The following BSN variants were observed in gnomAD, a reference collection of about 807,000 sequenced individuals.
BSN encodes the protein bassoon presynaptic cytomatrix protein, also known as protein bassoon.
Under a neutral mutation model 264.8 loss-of-function variants are expected in BSN, and 57 were observed. That is an observed-to-expected ratio of 0.22 (90% CI 0.17 to 0.27). The LOEUF (loss-of-function observed/expected upper bound fraction) is 0.27. Among genes scored for constraint, BSN ranks in the 10% least tolerant of loss-of-function variants. The probability of loss-of-function intolerance (pLI) is 1.00; values close to 1 mark genes in which losing one functional copy is unlikely to be tolerated. For missense variants in BSN, 4,615 were observed against 5,232.5 expected (o/e 0.88, Z 3.64); for synonymous variants, 2,059 against 2,137.3 (o/e 0.96, Z 1.01).
chr3:49,588,148 C>T (rs1001252592), intron 1 of BSN, among the ~76,000 whole-genome samples: 2 of 152,056 alleles, frequency 1.3e-5, no homozygotes, highest in Admixed American at 6.6e-5. Context: ...TCTCAAACTC[C>T]TGACCTTAGG....
intron 1 of BSN, among the ~76,000 whole-genome samples, chr3:49,572,361 G>C (rs6797299): frequency 6.6e-6 from 1 of 151,964 alleles, no homozygotes; most frequent in Non-Finnish European, 1.5e-5. Flanking sequence ...TAGGGAGTGG[G>C]TGATGGATCA....
At chr3:49,608,958 C>T (rs1177888720) in intron 1 of BSN, among the ~76,000 whole-genome samples, 1 of 152,032 alleles carries the variant, frequency 6.6e-6, no homozygotes, top group Non-Finnish European at 1.5e-5. Context: ...CCCACAAGCA[C>T]ACAAGGAGCC....
At chr3:49,596,919 T>C (rs1382716846) in intron 1 of BSN, among the ~76,000 whole-genome samples, 1 of 152,220 alleles carries the variant, frequency 6.6e-6, no homozygotes, top group East Asian at 1.9e-4. Flanking sequence ...TTATATTGTT[T>C]TCCTTATATC....
At chr3:49,595,715 G>A (rs2052017930) in intron 1 of BSN, among the ~76,000 whole-genome samples, 2 of 152,088 alleles carry the variant, frequency 1.3e-5, no homozygotes, top group South Asian at 4.1e-4. Context: ...ATTGTAAGTG[G>A]TGTTACATTT....
chr3:49,663,297 C>T lies in BSN; in HGVS notation c.11139C>T (p.Ser3713=), dbSNP rs748133306. 13 of 1,614,096 alleles carry T rather than the reference C, an allele frequency of 8.1e-6. No individual in the cohort carries two copies. The highest frequency in any genetic ancestry group is 1.7e-5 in the Admixed American group (1 of 60,030). The part of the protein sequence containing the change: ...AEYSQPSRAS[S]AYHHASDSKK... ...ACTCACAGCCATCCCGTGCTTCATC[C>T]GCATACCATCATGCCTCTGACAGCA... is the stretch of plus-strand genomic sequence containing the variant. The change falls in exon 7 of 12, where the codon TCC becomes TCT. Residue 3713 remains serine, a synonymous_variant. Transcript: ENST00000296452.
At chr3:49,640,276 G>A (rs888023129) in intron 2 of BSN, among the ~76,000 whole-genome samples, 3 of 152,198 alleles carry the variant, frequency 2.0e-5, no homozygotes, top group African/African-American at 7.2e-5. Flanking sequence ...CAAATTGCCA[G>A]GATGAATGAA....
At chr3:49,561,025 C>T (rs2107998448) in intron 1 of BSN, among the ~76,000 whole-genome samples, 1 of 152,342 alleles carries the variant, frequency 6.6e-6, no homozygotes, top group East Asian at 1.9e-4. Flanking sequence ...TTCGTCTTTA[C>T]GGGCACATAG....
chr3:49,635,727 C>A (rs945286638), intron 2 of BSN, among the ~76,000 whole-genome samples: 4 of 152,156 alleles, frequency 2.6e-5, no homozygotes, highest in Non-Finnish European at 5.9e-5. Flanking sequence ...GTAATACCAG[C>A]ACTTTGAGAG....
rs534039440 is a variant in BSN at position 49,567,031 on chromosome 3, C to CA, written c.224+12206dup. Among the ~76,000 whole-genome samples, 511 of 152,008 alleles carry CA rather than the reference C, an allele frequency of 3.4e-3. 2 individuals are homozygous for CA. The highest frequency in any genetic ancestry group is 0.012 in the African/African-American group (497 of 41,474). Reference sequence around the variant, plus strand: ...TAAACATTGCAGTCAATAGCAGGAACACAAGAAGGAAAAAGACACAGTCCT... The same window carrying CA: ...TAAACATTGCAGTCAATAGCAGGAACAACAAGAAGGAAAAAGACACAGTCCT... On this transcript the variant is annotated intron_variant, in intron 1 of 11. Transcript: ENST00000296452.
Position 49,661,820 on chromosome 3 carries a change from C to A in BSN, c.9975C>A (p.Tyr3325Ter). The part of the protein sequence containing the change: ...ASTHYYGDSD[Y>*]RHGARVEKYG... ...CCCACTACTATGGTGACAGTGACTA[C>A]AGGCATGGGGCTCGAGTAGAGAAGT... The change falls in exon 6 of 12, where the codon TAC becomes TAA. Residue 3325 changes from tyrosine to a stop codon, truncating the protein, a stop_gained. Transcript: ENST00000296452. LOFTEE classifies it high-confidence loss of function. The A allele has an allele frequency of 6.2e-7, 1 of 1,613,626 alleles. No individual in the cohort carries two copies. The highest frequency in any genetic ancestry group is 8.5e-7 in the Non-Finnish European group (1 of 1,180,048).
At chr3:49,613,515 A>G (rs1002030703) in intron 1 of BSN, among the ~76,000 whole-genome samples, 5 of 150,474 alleles carry the variant, frequency 3.3e-5, no homozygotes, top group Admixed American at 2.0e-4. Context: ...TTTTTTTGAG[A>G]CAGAGTTTTT....
intron 1 of BSN, among the ~76,000 whole-genome samples, chr3:49,581,277 G>A (rs1034554294): frequency 1.1e-4 from 17 of 152,134 alleles, no homozygotes; most frequent in African/African-American, 3.9e-4. Flanking sequence ...GAGCCACTGC[G>A]CCTGGCCTAT....
At chr3:49,619,490 A>T (rs923206086) in intron 1 of BSN, among the ~76,000 whole-genome samples, 4 of 152,224 alleles carry the variant, frequency 2.6e-5, no homozygotes, top group African/African-American at 9.7e-5. Context: ...TTGGAATCCC[A>T]GCTCCACCAT....
chr3:49,581,340 C>T (rs555402215), intron 1 of BSN, among the ~76,000 whole-genome samples: 3 of 152,282 alleles, frequency 2.0e-5, no homozygotes, highest in East Asian at 3.9e-4. Flanking sequence ...CCAGTAGTCC[C>T]CCCTTATCTG....
At chr3:49,644,466 A>G (rs536047564) in intron 3 of BSN, among the ~76,000 whole-genome samples, 5 of 152,302 alleles carry the variant, frequency 3.3e-5, no homozygotes, top group African/African-American at 1.2e-4. Context: ...ATATGCAGGG[A>G]AGGGCAGCCC....
chr3:49,570,934 C>T (rs1255393336), intron 1 of BSN, among the ~76,000 whole-genome samples: 3 of 152,180 alleles, frequency 2.0e-5, no homozygotes, highest in Non-Finnish European at 4.4e-5. Flanking sequence ...CTGGGGCTCC[C>T]AGGCCTGTGA....
chr3:49,563,384 G>T (rs2051729896), intron 1 of BSN, among the ~76,000 whole-genome samples: 1 of 152,212 alleles, frequency 6.6e-6, no homozygotes, highest in South Asian at 2.1e-4. Context: ...TCTCCTGAGT[G>T]TTGTTCCACC....
chr3:49,625,859 A>G lies in BSN; in HGVS notation c.633+476A>G, dbSNP rs1025759123. ...GAGAAAAGTTTCAGGGGAGGCAGGA[A>G]ACTGCCTTCCAGCTGGGCTCTGGGA... On this transcript the variant is annotated intron_variant, in intron 2 of 11. Transcript: ENST00000296452. The surrounding 1 kb of genome is among the most constrained non-coding windows in gnomAD (Gnocchi z 4.4). Among the ~76,000 whole-genome samples, 3 of 152,196 alleles carry G rather than the reference A, an allele frequency of 2.0e-5. No homozygotes were observed. Among genetic ancestry groups the G allele is most frequent in the Non-Finnish European group, 4.4e-5 (3 of 68,040 alleles).
At chr3:49,664,875 C>T (rs879931896) in intron 10 of BSN, 22 bp downstream of exon 10, 4 of 1,488,896 alleles carry the variant, frequency 2.7e-6, no homozygotes, top group Non-Finnish European at 3.7e-6. Context: ...CAGCCTGTAC[C>T]TTGCCTCTTC....
Sources: gnomAD v4.1 joint callset for allele counts (sites outside exome capture counted in the v4.1 genomes callset) on GRCh38, gnomAD v4.1.1 for gene constraint, Gnocchi (gnomAD v3.1) non-coding constraint, MANE v1.5 for transcripts, NCBI Gene and HGNC (gene_info 2026-07-23, HGNC 2026-07-21) for gene names.